Variants in SLC25A32 observed in about 807,000 individuals in gnomAD.
SLC25A32 encodes the protein solute carrier family 25 member 32.
Under a neutral mutation model 39.0 loss-of-function variants are expected in SLC25A32, and 32 were observed. The ratio of observed to expected loss-of-function variants is 0.82; its 90% CI spans 0.62 to 1.10. The LOEUF is 1.10. Among genes scored for constraint, SLC25A32 ranks in the 50% least tolerant of loss-of-function variants. SLC25A32 has a pLI of 0.00. For synonymous variants in SLC25A32, 166 were observed against 152.4 expected, an observed-to-expected ratio of 1.09 and a Z score of -0.66; for missense variants, 367 against 395.3, an observed-to-expected ratio of 0.93 and a Z score of 0.61.
chr8:103,401,867 A>C, intron 5 of SLC25A32, 74 bp downstream of exon 5: 2 of 1,242,996 alleles, frequency 1.6e-6, no homozygotes, highest in South Asian at 2.8e-5. Context: ...CCACCAAAGT[A>C]AGCATGACAA....
chr8:103,415,067 T>C lies in SLC25A32; in HGVS notation c.-130A>G, dbSNP rs143980576. On this transcript the variant is annotated 5_prime_UTR_variant, in exon 1 of 7. It adds an upstream start codon to the 5' untranslated region. Coordinates refer to ENST00000297578, the MANE Select transcript of SLC25A32 (RefSeq NM_030780.5). ...CCTCCGGGACCAACGAGAGGACTCT[T>C]ATGCCCAAGGCGCGTGAGCGAAGCC... 6 of 1,607,312 alleles carry C rather than the reference T, an allele frequency of 3.7e-6. No homozygotes were observed. The African/African-American group carries it at 5.4e-5, about 14-fold the overall frequency.
chr8:103,404,401 C>A (rs572843321), intron 3 of SLC25A32, among the ~76,000 whole-genome samples: 73 of 152,212 alleles, frequency 4.8e-4, no homozygotes, highest in African/African-American at 1.6e-3. Flanking sequence ...CGAGACAATT[C>A]TGGCCAACAT....
rs1816155635 is a variant in SLC25A32, at chr8:103,398,743, T to C, written c.*1668A>G. The C allele has an allele frequency of 6.6e-6, 1 of 152,198 alleles. No homozygotes were observed. 9.4% of individuals were successfully genotyped at this position (152,198 alleles called of 1,614,324 possible). On this transcript the variant is annotated 3_prime_UTR_variant, in exon 7 of 7. Coordinates refer to ENST00000297578, the MANE Select transcript of SLC25A32 (RefSeq NM_030780.5). Reference sequence around the variant, plus strand: ...CACCAAATATCAACTGCAGTTCACTTTTTCCGTGTGGGGACTAATATCAAG... The same window carrying C: ...CACCAAATATCAACTGCAGTTCACTCTTTCCGTGTGGGGACTAATATCAAG...
intron 2 of SLC25A32, among the ~76,000 whole-genome samples, chr8:103,405,613 G>C (rs976209348): frequency 6.6e-6 from 1 of 151,860 alleles, no homozygotes; most frequent in African/African-American, 2.4e-5. Flanking sequence ...CTTTAATGCC[G>C]ATTTCTACTT....
intron 6 of SLC25A32, 30 bp downstream of exon 6, chr8:103,401,486 A>G: frequency 6.2e-7 from 1 of 1,600,328 alleles, no homozygotes; most frequent in Non-Finnish European, 8.5e-7. Flanking sequence ...ACCTTGTCAA[A>G]GCAATTTTTG....
At chr8:103,400,573 T>A in intron 6 of SLC25A32, 27 bp from the exon 7 acceptor site, 2 of 1,611,934 alleles carry the variant, frequency 1.2e-6, no homozygotes. Context: ...AGATAATGCT[T>A]AATTTTGTAT....
intron 1 of SLC25A32, among the ~76,000 whole-genome samples, chr8:103,409,999 A>G (rs1334521484): frequency 6.6e-6 from 1 of 152,166 alleles, no homozygotes. Context: ...TTTCCTGCAT[A>G]GTTTATAAAC....
chr8:103,414,102 GA>G (rs1563721478), intron 1 of SLC25A32, among the ~76,000 whole-genome samples: 1 of 152,158 alleles, frequency 6.6e-6, no homozygotes, highest in African/African-American at 2.4e-5. Flanking sequence ...TCTCAAGGCT[GA>G]ACTTAACTTG....
In SLC25A32 at chr8:103,401,563, T is replaced by C. The variant is rs2130436102; in HGVS notation, c.765A>G (p.Gln255=). 3.1e-6 allele frequency: 5 copies of C among 1,613,948 alleles called. 1 individual carries two copies. In the Middle Eastern group the frequency reaches 5.0e-4, roughly 160 times the overall value. Residue 255 remains glutamine, a synonymous_variant, in exon 6 of 7, where the codon CAA becomes CAG. Transcript: ENST00000297578. ...YQVVRARLQD[Q]HMFYSGVIDV... The stretch of plus-strand genomic sequence containing the variant: ...CTATTACACCACTGTAAAACATGTG[T>C]TGATCCTGAAGACGAGCTCTTACGA...
intron 1 of SLC25A32, among the ~76,000 whole-genome samples, chr8:103,412,654 G>C (rs1326735635): frequency 6.6e-6 from 1 of 152,100 alleles, no homozygotes; most frequent in East Asian, 1.9e-4. Context: ...TTTCCCACAT[G>C]TAAGTTCTCT....
chr8:103,400,949 T>C (rs1461832449), intron 6 of SLC25A32, among the ~76,000 whole-genome samples: 1 of 152,216 alleles, frequency 6.6e-6, no homozygotes, highest in African/African-American at 2.4e-5. Flanking sequence ...GCCAATAATA[T>C]GGAATACGGC....
intron 2 of SLC25A32, among the ~76,000 whole-genome samples, chr8:103,406,356 T>C (rs1374722578): frequency 6.6e-6 from 1 of 152,178 alleles, no homozygotes; most frequent in African/African-American, 2.4e-5. Flanking sequence ...ATACACTAGA[T>C]ACTGATGTTT....
In SLC25A32 at chr8:103,414,899, C is replaced by T; in HGVS notation, c.39G>A (p.Ala13=). ...GGACGTGGCGGAATACCGTGCTCCA[C>T]GCCGACGACCCGGACGCCGACTGGC... ...GQGQSASGSS[A]WSTVFRHVRY... The change falls in exon 1 of 7, where the codon GCG becomes GCA. Residue 13 remains alanine (A), a synonymous_variant. Coordinates refer to ENST00000297578, the MANE Select transcript of SLC25A32 (RefSeq NM_030780.5). The T allele has an allele frequency of 2.5e-6, 4 of 1,611,674 alleles. No homozygotes were observed. The South Asian group carries it at 4.4e-5, about 18-fold the overall frequency.
Position 103,400,248 on chromosome 8 carries a change from A to G in SLC25A32, c.*163T>C, listed in dbSNP as rs375547063. 3.4e-6 allele frequency: 2 copies of G among 587,946 alleles called. No homozygotes were observed. Among genetic ancestry groups the G allele is most frequent in the African/African-American group, 7.0e-5 (1 of 14,314 alleles). 36.4% of individuals were successfully genotyped at this position (587,946 alleles called of 1,614,324 possible). On this transcript the variant is annotated 3_prime_UTR_variant, in exon 7 of 7. Transcript: ENST00000297578. ...ATATATATGGGGAAGGCAAAAAGCA[A>G]GAAAAACATTGCAGGAGACTTAGCA... is the stretch of plus-strand genomic sequence containing the variant.
In SLC25A32 at chr8:103,403,183, C is replaced by T. The variant is rs1816255671; in HGVS notation, c.533G>A (p.Gly178Asp). 1 of 1,608,474 alleles carries T rather than the reference C, an allele frequency of 6.2e-7. No homozygotes were observed. The highest frequency in any genetic ancestry group is 8.5e-7 in the Non-Finnish European group (1 of 1,176,258). ...DTLVKIYKYE[G>D]VRGLYKGFVP... ...TGTTACCTTATATAATCCACGCACA[C>T]CTTCATACTTATATATTTTCACAAG... The change falls in exon 4 of 7, where the codon GGT (glycine) becomes GAT (aspartate). Residue 178 changes from glycine (G) to aspartate (D), a missense_variant. By Grantham distance (94) the Gly-to-Asp change is moderately conservative (BLOSUM62 -1). Transcript: ENST00000297578.
chr8:103,413,147 T>C (rs746986388), intron 1 of SLC25A32, among the ~76,000 whole-genome samples: 28 of 152,156 alleles, frequency 1.8e-4, no homozygotes, highest in Non-Finnish European at 2.9e-4. Context: ...CTATTAATCT[T>C]CTCAGGTACC....
intron 6 of SLC25A32, among the ~76,000 whole-genome samples, chr8:103,401,236 T>A (rs1197803279): frequency 6.6e-6 from 1 of 152,246 alleles, no homozygotes; most frequent in Non-Finnish European, 1.5e-5. Flanking sequence ...TTCAGATATT[T>A]TATAACACCT....
chr8:103,401,381 T>G (rs1219026266), intron 6 of SLC25A32, 135 bp downstream of exon 6: 1 of 698,210 alleles, frequency 1.4e-6, no homozygotes, highest in Non-Finnish European at 2.3e-6. Flanking sequence ...ACGTAATAAC[T>G]GGGAAAGCAG....
At chr8:103,406,078 T>C (rs1563718429) in intron 2 of SLC25A32, among the ~76,000 whole-genome samples, 1 of 150,584 alleles carries the variant, frequency 6.6e-6, no homozygotes, top group Non-Finnish European at 1.5e-5. Flanking sequence ...TATATATATA[T>C]ATACACACAC....
Sources: allele counts gnomAD v4.1 joint callset (sites outside exome capture counted in the v4.1 genomes callset), GRCh38; gene constraint gnomAD v4.1.1; transcripts MANE v1.5; gene names NCBI Gene and HGNC (gene_info 2026-07-23, HGNC 2026-07-21).